CYP19A1: variants seen among roughly 807,000 people sequenced by gnomAD.
CYP19A1 encodes cytochrome P450 family 19 subfamily A member 1.
Under a neutral mutation model 44.4 loss-of-function variants are expected in CYP19A1, and 32 were observed. That is an observed-to-expected ratio of 0.72 (90% CI 0.54 to 0.97). The LOEUF is 0.97. Among genes scored for constraint, CYP19A1 ranks in the 50% least tolerant of loss-of-function variants. CYP19A1 has a pLI of 0.00. For missense variants in CYP19A1, 598 were observed against 637.8 expected (o/e 0.94, Z 0.67); for synonymous variants, 212 against 215.6 (o/e 0.98, Z 0.14).
At chr15:51,313,666 G>A (rs1395604666) in intron 1 of CYP19A1, among the ~76,000 whole-genome samples, 6 of 152,008 alleles carry the variant, frequency 3.9e-5, no homozygotes, top group African/African-American at 1.2e-4. Context: ...GCATGGTGGC[G>A]GGCATCTATA....
chr15:51,281,327 C>G (rs1185831853), intron 1 of CYP19A1, among the ~76,000 whole-genome samples: 2 of 152,162 alleles, frequency 1.3e-5, no homozygotes, highest in Non-Finnish European at 2.9e-5. Context: ...GAGGCTATAC[C>G]AGATGTTTGG....
Position 51,246,306 on chromosome 15 carries a change from C to T in CYP19A1, c.-38-3356G>A, listed in dbSNP as rs568632435. Among the ~76,000 whole-genome samples, 43 of 152,276 alleles carry T rather than the reference C, an allele frequency of 2.8e-4. No individual in the cohort carries two copies. In the Middle Eastern group the frequency reaches 0.01, roughly 36 times the overall value. On this transcript the variant is annotated intron_variant, in intron 1 of 9. Transcript: ENST00000396402. ...ATGCACATGGCCCTCAGGTGCTATG[C>T]ATTTGCCAGGCCGTCTCAAATGCCT... is the stretch of plus-strand genomic sequence containing the variant.
At chr15:51,322,531 C>T (rs1422961402) in intron 1 of CYP19A1, among the ~76,000 whole-genome samples, 1 of 152,142 alleles carries the variant, frequency 6.6e-6, no homozygotes, top group Non-Finnish European at 1.5e-5. Flanking sequence ...TAAAAGCAAA[C>T]TAGAAATACT....
At chr15:51,319,457 A>T (rs1902584) in intron 1 of CYP19A1, among the ~76,000 whole-genome samples, 12,893 of 152,218 alleles carry the variant, frequency 0.085, 607 homozygotes, top group South Asian at 0.2. Context: ...CTTATGAACA[A>T]TTTCATGCAC....
In CYP19A1 at chr15:51,209,789, G is replaced by GGA. The variant is rs1200013418; in HGVS notation, c.*1017_*1018dup. On this transcript the variant is annotated 3_prime_UTR_variant, in exon 10 of 10. Transcript: ENST00000396402. Reference sequence around the variant, plus strand: ...GCTTTGGGGTCATGGGAAGAAAGAGGGAGAAAATGTCGAGGGAGAAGGATA... The same window carrying GGA: ...GCTTTGGGGTCATGGGAAGAAAGAGGGAGAGAAAATGTCGAGGGAGAAGGATA... 1 of 153,454 alleles carries GGA rather than the reference G, an allele frequency of 6.5e-6. No homozygotes were observed. The highest frequency in any genetic ancestry group is 2.4e-5 in the African/African-American group (1 of 41,428). 9.5% of individuals were successfully genotyped at this position (153,454 alleles called of 1,614,324 possible). A position where few individuals can be genotyped will look rare whatever the true frequency, so the allele number is the denominator to read the frequency against.
At chr15:51,296,992 G>C (rs1445033962) in intron 1 of CYP19A1, among the ~76,000 whole-genome samples, 1 of 152,172 alleles carries the variant, frequency 6.6e-6, no homozygotes, top group Non-Finnish European at 1.5e-5. Flanking sequence ...ACTGTTTTCT[G>C]TGAGGCCCTG....
intron 1 of CYP19A1, among the ~76,000 whole-genome samples, chr15:51,335,584 A>G (rs1449831721): frequency 2.0e-5 from 3 of 152,180 alleles, no homozygotes; most frequent in African/African-American, 4.8e-5. Flanking sequence ...AGAAAGTTAC[A>G]TTTTCTAGAA....
chr15:51,313,300 G>T, intron 1 of CYP19A1: 1 of 152,332 alleles, frequency 6.6e-6, no homozygotes. Context: ...CATTCAACCT[G>T]AATCAAAGCT....
intron 1 of CYP19A1, among the ~76,000 whole-genome samples, chr15:51,309,486 A>AAAAGTGCTATCTG (rs1202379476): frequency 1.3e-5 from 2 of 152,176 alleles, no homozygotes; most frequent in Non-Finnish European, 2.9e-5. Context: ...TCTATCTACT[A>AAAAGTGCTATCTG]AAAGTGCTAT....
At chr15:51,276,192 G>A (rs1003702825) in intron 1 of CYP19A1, among the ~76,000 whole-genome samples, 1 of 152,186 alleles carries the variant, frequency 6.6e-6, no homozygotes, top group Non-Finnish European at 1.5e-5. Flanking sequence ...ATTTGGCTTA[G>A]TCTATAGCAG....
intron 4 of CYP19A1, among the ~76,000 whole-genome samples, chr15:51,225,763 G>A (rs2032517312): frequency 6.6e-6 from 1 of 152,094 alleles, no homozygotes; most frequent in African/African-American, 2.4e-5. Context: ...CTAAGGTTAA[G>A]GACCTTGAGA....
intron 1 of CYP19A1, chr15:51,319,100 T>G (rs2036482541): frequency 6.6e-6 from 1 of 152,258 alleles, no homozygotes; most frequent in Non-Finnish European, 1.5e-5. Context: ...ACTATTCCTG[T>G]CTGGCACAGC....
At chr15:51,268,186 C>G (rs538020139) in intron 1 of CYP19A1, among the ~76,000 whole-genome samples, 2 of 152,172 alleles carry the variant, frequency 1.3e-5, no homozygotes, top group Non-Finnish European at 2.9e-5. Context: ...AACATATACA[C>G]ATGCACTTGT....
chr15:51,316,505 G>A (rs995892369), intron 1 of CYP19A1, among the ~76,000 whole-genome samples: 2 of 152,036 alleles, frequency 1.3e-5, no homozygotes, highest in Admixed American at 6.5e-5. Context: ...TATATTTTTG[G>A]TTCTTTCAGT....
intron 1 of CYP19A1, among the ~76,000 whole-genome samples, chr15:51,247,660 G>A (rs1412600767): frequency 6.6e-6 from 1 of 151,920 alleles, no homozygotes; most frequent in Admixed American, 6.6e-5. Flanking sequence ...TTAGTAGGGA[G>A]GATAGGGTTT....
chr15:51,226,468 G>C (rs1452613930), intron 4 of CYP19A1, among the ~76,000 whole-genome samples: 1 of 152,164 alleles, frequency 6.6e-6, no homozygotes, highest in Admixed American at 6.5e-5. Flanking sequence ...TGATACACTG[G>C]GGTCTACAGC....
chr15:51,251,952 T>TTATCTCTG (rs755273878), intron 1 of CYP19A1, among the ~76,000 whole-genome samples: 1 of 152,188 alleles, frequency 6.6e-6, no homozygotes, highest in Non-Finnish European at 1.5e-5. Context: ...AGGGCCCCTC[T>TTATCTCTG]TATCTCTGTA....
intron 1 of CYP19A1, among the ~76,000 whole-genome samples, chr15:51,246,788 G>A (rs944708193): frequency 1.3e-5 from 2 of 152,166 alleles, no homozygotes; most frequent in African/African-American, 4.8e-5. Flanking sequence ...TAGCGTGGGG[G>A]CTACTGGCCC....
chr15:51,218,723 G>T, intron 5 of CYP19A1, 68 bp from the exon 6 acceptor site: 13 of 1,551,052 alleles, frequency 8.4e-6, no homozygotes, highest in Non-Finnish European at 1.0e-5. Flanking sequence ...TAAGAAGGTT[G>T]CTCTGAGCAG....
Sources: gnomAD v4.1 joint callset for allele counts (sites outside exome capture counted in the v4.1 genomes callset) on GRCh38, gnomAD v4.1.1 for gene constraint, MANE v1.5 for transcripts, NCBI Gene and HGNC (gene_info 2026-07-23, HGNC 2026-07-21) for gene names.